The following ANKRD36 variants were observed in gnomAD, a reference collection of about 807,000 sequenced individuals.
ANKRD36 encodes ankyrin repeat domain-containing protein 36A.
Under a neutral mutation model 278.1 loss-of-function variants are expected in ANKRD36, and 179 were observed. That is an observed-to-expected ratio of 0.64 (90% CI 0.57 to 0.73). ANKRD36 has a LOEUF of 0.73. ANKRD36 is among the 30% of genes least tolerant of loss of function. The probability of loss-of-function intolerance (pLI) is 0.00; values close to 1 mark genes in which losing one functional copy is unlikely to be tolerated. For synonymous variants in ANKRD36, 320 were observed against 641.1 expected (o/e 0.50, Z 7.57); for missense variants, 1,159 against 1,956.7 (o/e 0.59, Z 7.69).
At chr2:97,190,516 T>C (rs1260641128) in intron 34 of ANKRD36, among the ~76,000 whole-genome samples, 3 of 151,560 alleles carry the variant, frequency 2.0e-5, no homozygotes, top group African/African-American at 4.8e-5. Flanking sequence ...GTCATGGTAA[T>C]TGTGTGCCTT....
At chr2:97,174,112 C>G (rs2053522138) in intron 22 of ANKRD36, among the ~76,000 whole-genome samples, 1 of 151,128 alleles carries the variant, frequency 6.6e-6, no homozygotes, top group African/African-American at 2.4e-5. Flanking sequence ...GATTTAGAAA[C>G]TTTGTTTAGT....
intron 34 of ANKRD36, 139 bp from the exon 35 acceptor site, chr2:97,190,839 C>G: frequency 7.5e-7 from 1 of 1,332,640 alleles, no homozygotes; most frequent in South Asian, 1.3e-5. Flanking sequence ...GTTCCAGTCC[C>G]AAGAGACAAA....
intron 60 of ANKRD36, among the ~76,000 whole-genome samples, chr2:97,213,983 A>G (rs1409092017): frequency 4.6e-5 from 7 of 151,762 alleles, no homozygotes; most frequent in African/African-American, 1.7e-4. Flanking sequence ...TGCTATAAAA[A>G]AGACAGAATA....
intron 6 of ANKRD36, among the ~76,000 whole-genome samples, chr2:97,136,916 A>C (rs542639978): frequency 2.0e-5 from 3 of 152,168 alleles, no homozygotes; most frequent in East Asian, 3.9e-4. Flanking sequence ...TAAGGTAACA[A>C]ATTTTGATAA....
At chr2:97,117,073 C>T (rs1428084705) in intron 1 of ANKRD36, among the ~76,000 whole-genome samples, 2 of 147,312 alleles carry the variant, frequency 1.4e-5, no homozygotes, top group Admixed American at 6.8e-5. Context: ...TAAACAAAAG[C>T]AATTCTGAAG....
At chr2:97,220,775 A>ATT (rs58512786) in intron 66 of ANKRD36, among the ~76,000 whole-genome samples, 17 of 62,700 alleles carry the variant, frequency 2.7e-4, no homozygotes, top group African/African-American at 5.5e-4. Flanking sequence ...TTTTTTTTTA[A>ATT]TTTTTTTTTT....
rs1415533426 is a variant in ANKRD36, at chr2:97,151,912, A to T, written c.1135A>T (p.Ile379Phe). Residue 379 changes from isoleucine (I) to phenylalanine (F), a missense_variant, in exon 13 of 76, where the codon ATT becomes TTT. Coordinates refer to ENST00000420699, the MANE Select transcript of ANKRD36 (RefSeq NM_001354587.1). Reference protein sequence around the residue: ...ISKLYIPKRKIISPRSIKDVL... With the variant: ...ISKLYIPKRKFISPRSIKDVL... ...AAAACTATACATCCCAAAGAGAAAGATTATTTCTCCACGATCTATAAAAGA... is the reference window on the plus strand; with the variant it reads ...AAAACTATACATCCCAAAGAGAAAGTTTATTTCTCCACGATCTATAAAAGA... The T allele has an allele frequency of 3.4e-6, 5 of 1,454,654 alleles. No homozygotes were observed. Among genetic ancestry groups the T allele is most frequent in the Non-Finnish European group, 4.7e-6 (5 of 1,074,182 alleles). 90.1% of individuals were successfully genotyped at this position (1,454,654 alleles called of 1,614,324 possible). A position where few individuals can be genotyped will look rare whatever the true frequency, so the allele number is the denominator to read the frequency against.
At chr2:97,216,660 AGG>A (rs1319461465) in intron 62 of ANKRD36, 1 of 264,772 alleles carries the variant, frequency 3.8e-6, no homozygotes, top group Non-Finnish European at 7.0e-6. Context: ...TGATCAATTT[AGG>A]ACACTTCCAC....
Position 97,207,854 on chromosome 2 carries a change from A to C in ANKRD36, c.3192+15A>C. 1.3e-6 allele frequency: 2 copies of C among 1,546,168 alleles called. No homozygotes were observed. Among genetic ancestry groups the C allele is most frequent in the Non-Finnish European group, 8.7e-7 (1 of 1,144,544 alleles). ...CAGGCTTGAAGGTAATGAAACTGTC[A>C]TTTATATTGTGAACTAGTAAATGTA... On this transcript the variant is annotated intron_variant, in intron 53 of 75. Transcript: ENST00000420699.
chr2:97,219,932 A>G lies in ANKRD36; in HGVS notation c.3877+686A>G, dbSNP rs547895112. ...TTTGCTTTAAAAGTCAATTAAAATTATGGCTTTTAGCTAATGAAATGTTTT... is the reference window on the plus strand; with the variant it reads ...TTTGCTTTAAAAGTCAATTAAAATTGTGGCTTTTAGCTAATGAAATGTTTT... On this transcript the variant is annotated intron_variant, in intron 66 of 75. Coordinates refer to ENST00000420699, the MANE Select transcript of ANKRD36 (RefSeq NM_001354587.1). Among the ~76,000 whole-genome samples the G allele has an allele frequency of 1.4e-4, 21 of 146,790 alleles. No individual in the cohort carries two copies. In the South Asian group the frequency reaches 2.1e-3, roughly 15 times the overall value.
intron 50 of ANKRD36, among the ~76,000 whole-genome samples, chr2:97,204,996 A>G (rs2062453111): frequency 6.6e-6 from 1 of 151,482 alleles, no homozygotes; most frequent in Non-Finnish European, 1.5e-5. Context: ...GAATATGAAT[A>G]CATTGGCTTC....
At chr2:97,159,624 G>T (rs4101913) in intron 17 of ANKRD36, among the ~76,000 whole-genome samples, 89,190 of 150,940 alleles carry the variant, frequency 0.59, 30,557 homozygotes, top group Non-Finnish European at 0.78. Flanking sequence ...AGTAATATTT[G>T]GTATACTCCT....
At chr2:97,232,118 A>C (rs2072356036) in intron 67 of ANKRD36, among the ~76,000 whole-genome samples, 1 of 152,038 alleles carries the variant, frequency 6.6e-6, no homozygotes. Context: ...GGGAGTAGGT[A>C]AACATAGATT....
Position 97,194,592 on chromosome 2 carries a change from A to G in ANKRD36, c.2450-134A>G, listed in dbSNP as rs2059262896. On this transcript the variant is annotated intron_variant, in intron 38 of 75. Coordinates refer to ENST00000420699, the MANE Select transcript of ANKRD36 (RefSeq NM_001354587.1). ...ATTTCTGACATGTTCTGGTCCCCAG[A>G]CAGAAAGTAGAAGCCATCAAAGCGT... 20 of 1,509,266 alleles carry G rather than the reference A, an allele frequency of 1.3e-5. No homozygotes were observed. The South Asian group carries it at 2.2e-4, about 17-fold the overall frequency. The allele number at this position is 1,509,266 out of a possible 1,614,324, so 93.5% of individuals were successfully genotyped here.
At chr2:97,184,343 A>AT (rs1386549237) in intron 28 of ANKRD36, among the ~76,000 whole-genome samples, 2 of 150,948 alleles carry the variant, frequency 1.3e-5, no homozygotes, top group Non-Finnish European at 3.0e-5. Flanking sequence ...TCAGACATAT[A>AT]TTTTTTTTTA....
intron 58 of ANKRD36, among the ~76,000 whole-genome samples, chr2:97,212,198 T>G (rs187085727): frequency 6.6e-6 from 1 of 152,012 alleles, no homozygotes; most frequent in East Asian, 2.0e-4. Flanking sequence ...CCTCAAGGAA[T>G]AGGGATTGTG....
chr2:97,136,518 G>C (rs1429353034), intron 6 of ANKRD36, among the ~76,000 whole-genome samples: 2 of 151,960 alleles, frequency 1.3e-5, no homozygotes, highest in African/African-American at 2.4e-5. Flanking sequence ...TGTAACTGCT[G>C]TGGGGGAATA....
chr2:97,126,722 C>T (rs1255510391), intron 5 of ANKRD36, among the ~76,000 whole-genome samples: 30 of 151,870 alleles, frequency 2.0e-4, no homozygotes, highest in Non-Finnish European at 4.0e-4. Flanking sequence ...ATAGTAAAAT[C>T]TAGAAGAAGA....
chr2:97,197,233 C>G (rs184115241), intron 42 of ANKRD36, among the ~76,000 whole-genome samples: 1 of 151,992 alleles, frequency 6.6e-6, no homozygotes, highest in East Asian at 1.9e-4. Flanking sequence ...ATCATTTTGC[C>G]AAAGAAGACG....
Sources: allele counts gnomAD v4.1 joint callset (sites outside exome capture counted in the v4.1 genomes callset), GRCh38; gene constraint gnomAD v4.1.1; transcripts MANE v1.5; gene names NCBI Gene and HGNC (gene_info 2026-07-23, HGNC 2026-07-21).